Variants in RABGAP1L observed in about 807,000 individuals in gnomAD.
The protein encoded by RABGAP1L is rab GTPase-activating protein 1-like.
In RABGAP1L, 63 loss-of-function variants were observed where a neutral mutation model predicts 137.7. The ratio of observed to expected loss-of-function variants is 0.46; its 90% CI spans 0.37 to 0.56. The LOEUF is 0.56. Ranked by LOEUF, RABGAP1L falls within the 20% of genes least tolerant of loss-of-function variation. RABGAP1L has a pLI of 0.00. For missense variants in RABGAP1L, 1,095 were observed against 1,244.0 expected (o/e 0.88, Z 1.80); for synonymous variants, 431 against 433.7 (o/e 0.99, Z 0.08).
chr1:174,230,108 G>A (rs1670513394), intron 3 of RABGAP1L, among the ~76,000 whole-genome samples: 1 of 152,122 alleles, frequency 6.6e-6, no homozygotes, highest in Non-Finnish European at 1.5e-5. Context: ...GGACATGGAT[G>A]AAGCTGGAAA....
At chr1:174,623,695 C>T (rs1355128782) in intron 13 of RABGAP1L, among the ~76,000 whole-genome samples, 1 of 152,176 alleles carries the variant, frequency 6.6e-6, no homozygotes, top group Non-Finnish European at 1.5e-5. Flanking sequence ...TCACATATTA[C>T]CTATGTGGCT....
chr1:174,376,234 AGAAG>A (rs1236600597), intron 12 of RABGAP1L, among the ~76,000 whole-genome samples: 7 of 146,888 alleles, frequency 4.8e-5, no homozygotes, highest in African/African-American at 8.2e-5. Flanking sequence ...AGGAAAGGAA[AGAAG>A]GAAGGAAGGA....
chr1:174,254,879 T>C (rs955270552), intron 7 of RABGAP1L, among the ~76,000 whole-genome samples: 2 of 152,196 alleles, frequency 1.3e-5, no homozygotes, highest in Admixed American at 6.5e-5. Context: ...GGTCAAATGG[T>C]ATTTCTGGTT....
chr1:174,819,872 C>G (rs1019286663), intron 19 of RABGAP1L, among the ~76,000 whole-genome samples: 12 of 152,062 alleles, frequency 7.9e-5, no homozygotes, highest in Admixed American at 5.2e-4. Context: ...GGATTAACCT[C>G]AAAAGAATGG....
At chr1:174,318,099 C>G (rs1373568961) in intron 11 of RABGAP1L, among the ~76,000 whole-genome samples, 1 of 150,608 alleles carries the variant, frequency 6.6e-6, no homozygotes, top group Non-Finnish European at 1.5e-5. Flanking sequence ...GAAGTTAAAA[C>G]CAGGACTATG....
chr1:174,215,760 T>G (rs1335870331), intron 1 of RABGAP1L, among the ~76,000 whole-genome samples: 1 of 152,178 alleles, frequency 6.6e-6, no homozygotes, highest in African/African-American at 2.4e-5. Flanking sequence ...AAGAACAGTT[T>G]ATATGTTCCT....
chr1:174,451,428 A>T (rs1460929474), intron 13 of RABGAP1L, among the ~76,000 whole-genome samples: 1 of 152,232 alleles, frequency 6.6e-6, no homozygotes, highest in East Asian at 1.9e-4. Context: ...ATTATATGCC[A>T]GGCTCACTGT....
chr1:174,559,777 T>A (rs560700117), intron 13 of RABGAP1L, among the ~76,000 whole-genome samples: 2 of 152,350 alleles, frequency 1.3e-5, no homozygotes, highest in East Asian at 3.9e-4. Context: ...TTATTGATTC[T>A]GCCAGAAGTC....
At chr1:174,941,602 A>G (rs562469855) in intron 19 of RABGAP1L, among the ~76,000 whole-genome samples, 11 of 152,292 alleles carry the variant, frequency 7.2e-5, no homozygotes, top group Non-Finnish European at 1.0e-4. Context: ...TACCTGGTAG[A>G]AAGGTAGTGA....
At chr1:174,168,925 G>A (rs1665127984) in intron 1 of RABGAP1L, among the ~76,000 whole-genome samples, 1 of 152,208 alleles carries the variant, frequency 6.6e-6, no homozygotes, top group Non-Finnish European at 1.5e-5. Context: ...ATGTATAGAT[G>A]TGGTGAAGTC....
chr1:174,425,175 T>G (rs1374319017), intron 13 of RABGAP1L, among the ~76,000 whole-genome samples: 1 of 152,086 alleles, frequency 6.6e-6, no homozygotes, highest in Non-Finnish European at 1.5e-5. Flanking sequence ...CAATAGATAG[T>G]GTAGGATGTT....
At chr1:174,376,139 A>G (rs1685522283) in intron 12 of RABGAP1L, among the ~76,000 whole-genome samples, 1 of 151,354 alleles carries the variant, frequency 6.6e-6, no homozygotes, top group Non-Finnish European at 1.5e-5. Flanking sequence ...AGATAGAGAA[A>G]GAGAGAAGGA....
At chr1:174,214,476 G>GA (rs1175349536) in intron 1 of RABGAP1L, among the ~76,000 whole-genome samples, 1 of 151,776 alleles carries the variant, frequency 6.6e-6, no homozygotes, top group Admixed American at 6.6e-5. Context: ...CACAGAAATA[G>GA]AAAAAAAAGT....
At chr1:174,321,137 G>A (rs918501048) in intron 11 of RABGAP1L, among the ~76,000 whole-genome samples, 1 of 152,124 alleles carries the variant, frequency 6.6e-6, no homozygotes, top group African/African-American at 2.4e-5. Flanking sequence ...CCAGTCTCCT[G>A]TAGCACTCCC....
At chr1:174,651,619 T>C (rs1348324986) in intron 14 of RABGAP1L, among the ~76,000 whole-genome samples, 1 of 152,176 alleles carries the variant, frequency 6.6e-6, no homozygotes, top group East Asian at 1.9e-4. Flanking sequence ...TGATCTTTGT[T>C]GGTTTAAAGT....
intron 13 of RABGAP1L, among the ~76,000 whole-genome samples, chr1:174,544,021 C>G (rs1665750454): frequency 6.6e-6 from 1 of 152,178 alleles, no homozygotes; most frequent in South Asian, 2.1e-4. Context: ...TCTGGCTGCC[C>G]TTAACATTTT....
intron 13 of RABGAP1L, among the ~76,000 whole-genome samples, chr1:174,608,347 G>T (rs968891364): frequency 6.6e-6 from 1 of 152,154 alleles, no homozygotes; most frequent in Non-Finnish European, 1.5e-5. Flanking sequence ...ACTATAAGGT[G>T]CTGCCTGTAG....
chr1:174,877,292 T>TG (rs1653285152), intron 19 of RABGAP1L: 1 of 894,162 alleles, frequency 1.1e-6, no homozygotes, highest in Non-Finnish European at 1.7e-6. Context: ...AGTTTCCTAC[T>TG]GGGGGTGAAT....
chr1:174,717,976 G>C (rs1008936250), intron 17 of RABGAP1L, among the ~76,000 whole-genome samples: 1 of 152,112 alleles, frequency 6.6e-6, no homozygotes, highest in Non-Finnish European at 1.5e-5. Flanking sequence ...AGGCAGATGG[G>C]GTGGGCTTCC....
Sources: gnomAD v4.1 joint callset for allele counts (sites outside exome capture counted in the v4.1 genomes callset) on GRCh38, gnomAD v4.1.1 for gene constraint, MANE v1.5 for transcripts, NCBI Gene and HGNC (gene_info 2026-07-23, HGNC 2026-07-21) for gene names.